QKI: variants seen among roughly 807,000 people sequenced by gnomAD.
QKI encodes the protein KH domain-containing RNA-binding protein QKI.
Under a neutral mutation model 39.0 loss-of-function variants are expected in QKI, and 10 were observed. That is an observed-to-expected ratio of 0.26 (90% CI 0.16 to 0.43). QKI has a LOEUF of 0.43. QKI is among the 20% of genes least tolerant of loss of function. QKI has a pLI of 1.00. For missense variants in QKI, 218 were observed against 428.0 expected, an observed-to-expected ratio of 0.51 and a Z score of 4.33; for synonymous variants, 204 against 155.4, an observed-to-expected ratio of 1.31 and a Z score of -2.33.
At position 163,572,069 on chromosome 6, in the gene QKI, T is replaced by C. The variant is rs1783725757; in HGVS notation, c.*1359T>C. 6.6e-6 allele frequency: 1 copy of C among 152,218 alleles called. No homozygotes were observed. Among genetic ancestry groups the C allele is most frequent in the Non-Finnish European group, 1.5e-5 (1 of 68,036 alleles). The allele number at this position is 152,218 out of a possible 1,614,324, so 9.4% of individuals were successfully genotyped here. A position where few individuals can be genotyped will look rare whatever the true frequency, so the allele number is the denominator to read the frequency against. On this transcript the variant is annotated 3_prime_UTR_variant, in exon 8 of 8. Coordinates refer to ENST00000361752, the MANE Select transcript of QKI (RefSeq NM_006775.3). ...CCAAATCTGATACTGTGAAAAGATT[T>C]GATAACTTTTCTAATGCCTGACTAG...
At chr6:163,431,398 A>G (rs948357567) in intron 1 of QKI, among the ~76,000 whole-genome samples, 2 of 152,200 alleles carry the variant, frequency 1.3e-5, no homozygotes, top group African/African-American at 2.4e-5. Flanking sequence ...AAAAATTAAC[A>G]TAGAATCCTG....
At position 163,576,754 on chromosome 6, in the gene QKI, A is replaced by G. The variant is rs1323065215; in HGVS notation, c.*6044A>G. On this transcript the variant is annotated 3_prime_UTR_variant, in exon 8 of 8. Coordinates refer to ENST00000361752, the MANE Select transcript of QKI (RefSeq NM_006775.3). Reference sequence around the variant, plus strand: ...CCACCCCCAGAAAATGCATGTATCAATATGAGAATAAAGAACGCACACTTT... The same window carrying G: ...CCACCCCCAGAAAATGCATGTATCAGTATGAGAATAAAGAACGCACACTTT... 6.6e-6 allele frequency: 1 copy of G among 152,200 alleles called. No individual in the cohort carries two copies. Among genetic ancestry groups the G allele is most frequent in the Non-Finnish European group, 1.5e-5 (1 of 68,042 alleles). 9.4% of individuals were successfully genotyped at this position (152,200 alleles called of 1,614,324 possible). A position where few individuals can be genotyped will look rare whatever the true frequency, so the allele number is the denominator to read the frequency against.
intron 3 of QKI, among the ~76,000 whole-genome samples, chr6:163,517,087 C>G (rs1290885199): frequency 1.4e-5 from 2 of 146,986 alleles, no homozygotes; most frequent in Admixed American, 6.7e-5. Flanking sequence ...CTCTTTCTCT[C>G]TCTCTCTCTC....
rs565854468 is a variant in QKI at position 163,475,886 on chromosome 6, T to C, written c.286-2894T>C. On this transcript the variant is annotated intron_variant, in intron 2 of 7. Transcript: ENST00000361752. ...AAGATAAGGTTGAAAATTTGAACTG[T>C]GTTAAAATTAAAAACTTTCAGTCAT... Among the ~76,000 whole-genome samples the C allele has an allele frequency of 2.4e-4, 37 of 152,156 alleles. 1 individual carries two copies. The highest frequency in any genetic ancestry group is 8.9e-4 in the African/African-American group (37 of 41,526).
At chr6:163,524,417 TTTTA>T (rs1780345972) in intron 3 of QKI, among the ~76,000 whole-genome samples, 1 of 152,112 alleles carries the variant, frequency 6.6e-6, no homozygotes, top group African/African-American at 2.4e-5. Flanking sequence ...AGTCATGTCA[TTTTA>T]TTTGTTGTTC....
At chr6:163,535,467 T>C (rs1396287698) in intron 4 of QKI, among the ~76,000 whole-genome samples, 2 of 152,054 alleles carry the variant, frequency 1.3e-5, no homozygotes, top group Non-Finnish European at 2.9e-5. Flanking sequence ...TGGCTCCTTA[T>C]TGTTTCTTAA....
At chr6:163,477,637 T>C (rs1337029057) in intron 2 of QKI, among the ~76,000 whole-genome samples, 1 of 152,178 alleles carries the variant, frequency 6.6e-6, no homozygotes, top group Non-Finnish European at 1.5e-5. Context: ...TAAGTGCTTA[T>C]AGATGAGTCT....
intron 3 of QKI, among the ~76,000 whole-genome samples, chr6:163,506,575 T>A (rs1414917713): frequency 6.6e-6 from 1 of 152,196 alleles, no homozygotes; most frequent in Non-Finnish European, 1.5e-5. Context: ...TTAGGCAATA[T>A]TTTCAGAAAA....
chr6:163,563,345 C>T (rs1309470294), intron 5 of QKI, 75 bp from the exon 6 acceptor site: 14 of 1,302,892 alleles, frequency 1.1e-5, no homozygotes, highest in South Asian at 4.5e-5. Context: ...TTTCTTTTTC[C>T]TACTCCCTTC....
At chr6:163,516,974 T>A (rs76876144) in intron 3 of QKI, among the ~76,000 whole-genome samples, 1 of 151,960 alleles carries the variant, frequency 6.6e-6, no homozygotes, top group African/African-American at 2.4e-5. Context: ...ATTTTAGAAT[T>A]TTTATGAAGG....
chr6:163,441,328 G>A (rs1789748775), intron 1 of QKI, among the ~76,000 whole-genome samples: 1 of 152,212 alleles, frequency 6.6e-6, no homozygotes, highest in African/African-American at 2.4e-5. Context: ...ACTTTAAAGG[G>A]AAGAGGAGTA....
At chr6:163,484,587 C>T (rs1290575958) in intron 3 of QKI, among the ~76,000 whole-genome samples, 1 of 152,068 alleles carries the variant, frequency 6.6e-6, no homozygotes, top group Non-Finnish European at 1.5e-5. Context: ...TTGCATTAGC[C>T]CCTAACAAGA....
rs1045758151 is a variant in QKI at position 163,420,817 on chromosome 6, G to A, written c.142+5482G>A. Among the ~76,000 whole-genome samples, 4 of 152,250 alleles carry A rather than the reference G, an allele frequency of 2.6e-5. No individual in the cohort carries two copies. The East Asian group carries it at 5.8e-4, about 22-fold the overall frequency. Reference sequence around the variant, plus strand: ...TAAACTTTTATGGTGAATATAGTTTGTTATCTTAGTGGGACTGTTAAGAAA... The same window carrying A: ...TAAACTTTTATGGTGAATATAGTTTATTATCTTAGTGGGACTGTTAAGAAA... On this transcript the variant is annotated intron_variant, in intron 1 of 7. Transcript: ENST00000361752.
At chr6:163,508,403 A>T (rs547627723) in intron 3 of QKI, among the ~76,000 whole-genome samples, 28 of 152,306 alleles carry the variant, frequency 1.8e-4, no homozygotes, top group Admixed American at 1.6e-3. Flanking sequence ...AGAAAAAATT[A>T]CACACCATAT....
intron 4 of QKI, among the ~76,000 whole-genome samples, chr6:163,556,318 G>C (rs1739628068): frequency 6.6e-6 from 1 of 152,006 alleles, no homozygotes; most frequent in Admixed American, 6.6e-5. Context: ...TTCGAGACCA[G>C]CCTGACCAAC....
At chr6:163,485,290 A>G (rs1054007418) in intron 3 of QKI, among the ~76,000 whole-genome samples, 18 of 152,218 alleles carry the variant, frequency 1.2e-4, no homozygotes, top group Non-Finnish European at 5.9e-5. Context: ...GAGGTTGCAG[A>G]GGCCGTATCC....
At chr6:163,467,253 T>C (rs570522454) in intron 2 of QKI, among the ~76,000 whole-genome samples, 57 of 152,352 alleles carry the variant, frequency 3.7e-4, no homozygotes, top group East Asian at 1.4e-3. Context: ...CATTTCACAA[T>C]GTATACCTTG....
intron 3 of QKI, among the ~76,000 whole-genome samples, chr6:163,483,570 C>A (rs1793245670): frequency 6.6e-6 from 1 of 152,170 alleles, no homozygotes; most frequent in African/African-American, 2.4e-5. Flanking sequence ...ACTTTCTCTG[C>A]TCATCCATAA....
chr6:163,477,862 T>C lies in QKI; in HGVS notation c.286-918T>C, dbSNP rs546521218. On this transcript the variant is annotated intron_variant, in intron 2 of 7. Transcript: ENST00000361752. Reference sequence around the variant, plus strand: ...TGGATTTTCTAGCACGTTACTTTTATGTAATGATATACTAAAAGTTGGATA... The same window carrying C: ...TGGATTTTCTAGCACGTTACTTTTACGTAATGATATACTAAAAGTTGGATA... 3.3e-5 allele frequency among the ~76,000 whole-genome samples: 5 copies of C among 152,350 alleles called. No homozygotes were observed. In the East Asian group the frequency reaches 9.6e-4, roughly 29 times the overall value.
Sources: allele counts gnomAD v4.1 joint callset (sites outside exome capture counted in the v4.1 genomes callset), GRCh38; gene constraint gnomAD v4.1.1; transcripts MANE v1.5; gene names NCBI Gene and HGNC (gene_info 2026-07-23, HGNC 2026-07-21).